LRMDA: variants seen among roughly 807,000 people sequenced by gnomAD.
LRMDA encodes leucine-rich melanocyte differentiation-associated protein.
In LRMDA, 18 loss-of-function variants were observed where a neutral mutation model predicts 29.8. The ratio of observed to expected loss-of-function variants is 0.60; its 90% CI spans 0.42 to 0.90. The LOEUF (loss-of-function observed/expected upper bound fraction) is 0.90. Ranked by LOEUF, LRMDA falls within the 40% of genes least tolerant of loss-of-function variation. The probability of loss-of-function intolerance (pLI) is 0.00; values close to 1 mark genes in which losing one functional copy is unlikely to be tolerated. For missense variants in LRMDA, 273 were observed against 273.9 expected (o/e 1.00, Z 0.02); for synonymous variants, 125 against 109.4 (o/e 1.14, Z -0.89).
intron 2 of LRMDA, among the ~76,000 whole-genome samples, chr10:75,465,821 C>T (rs535575445): frequency 6.6e-6 from 1 of 152,280 alleles, no homozygotes; most frequent in East Asian, 1.9e-4. Flanking sequence ...ATAAAATGAC[C>T]TTTCAATTGC....
intron 6 of LRMDA, among the ~76,000 whole-genome samples, chr10:76,453,776 A>G (rs973794315): frequency 1.3e-5 from 2 of 152,240 alleles, no homozygotes; most frequent in African/African-American, 4.8e-5. Context: ...TTATTAAATT[A>G]GAGCCCAGTT....
chr10:76,529,897 T>A (rs1252215289), intron 6 of LRMDA, among the ~76,000 whole-genome samples: 3 of 152,132 alleles, frequency 2.0e-5, no homozygotes, highest in Non-Finnish European at 4.4e-5. Flanking sequence ...GTAAGAAGAC[T>A]TGGGCCAATA....
At chr10:75,577,578 C>T (rs1229569625) in intron 2 of LRMDA, among the ~76,000 whole-genome samples, 1 of 152,074 alleles carries the variant, frequency 6.6e-6, no homozygotes, top group African/African-American at 2.4e-5. Context: ...CCCCAAGACA[C>T]ATAATTGTCA....
intron 2 of LRMDA, among the ~76,000 whole-genome samples, chr10:75,688,818 A>G (rs1842112127): frequency 6.6e-6 from 1 of 152,234 alleles, no homozygotes; most frequent in Non-Finnish European, 1.5e-5. Context: ...CTGATCAGTC[A>G]GCAGCCATCA....
At chr10:76,511,586 C>T (rs1452267569) in intron 6 of LRMDA, among the ~76,000 whole-genome samples, 3 of 151,628 alleles carry the variant, frequency 2.0e-5, no homozygotes, top group Admixed American at 6.6e-5. Context: ...TATACATTTA[C>T]AAAGAACTAT....
At chr10:75,443,381 T>G (rs1844352809) in intron 2 of LRMDA, among the ~76,000 whole-genome samples, 1 of 152,162 alleles carries the variant, frequency 6.6e-6, no homozygotes, top group Non-Finnish European at 1.5e-5. Flanking sequence ...CATTCTATAC[T>G]TAATTTGTTG....
intron 5 of LRMDA, among the ~76,000 whole-genome samples, chr10:76,173,188 C>T (rs1181147463): frequency 6.6e-6 from 1 of 152,044 alleles, no homozygotes; most frequent in African/African-American, 2.4e-5. Flanking sequence ...GATTAGTGAA[C>T]CTGAAACTAT....
At chr10:75,663,540 A>G (rs1841782226) in intron 2 of LRMDA, among the ~76,000 whole-genome samples, 1 of 152,086 alleles carries the variant, frequency 6.6e-6, no homozygotes, top group African/African-American at 2.4e-5. Flanking sequence ...GATCTCCAGA[A>G]CTCTCTCAGT....
At chr10:75,473,108 C>T (rs1044778583) in intron 2 of LRMDA, among the ~76,000 whole-genome samples, 1 of 152,224 alleles carries the variant, frequency 6.6e-6, no homozygotes, top group African/African-American at 2.4e-5. Context: ...GCTGTTTTGA[C>T]ACCAGATTGT....
At position 76,494,627 on chromosome 10, in the gene LRMDA, T is replaced by C. The variant is rs548758368; in HGVS notation, c.602-62582T>C. On this transcript the variant is annotated intron_variant, in intron 6 of 6. Coordinates refer to ENST00000611255, the MANE Select transcript of LRMDA (RefSeq NM_001305581.2). ...CACTATTATGGATCTTTGTTCTTTATTATTATTTCTCTACTGCTTACTTAG... is the reference window on the plus strand; with the variant it reads ...CACTATTATGGATCTTTGTTCTTTACTATTATTTCTCTACTGCTTACTTAG... Among the ~76,000 whole-genome samples the C allele has an allele frequency of 5.9e-5, 9 of 151,926 alleles. No individual in the cohort carries two copies. In the Middle Eastern group the frequency reaches 0.014, roughly 230 times the overall value.
chr10:76,013,214 T>C (rs117535313), intron 2 of LRMDA, among the ~76,000 whole-genome samples: 1 of 152,186 alleles, frequency 6.6e-6, no homozygotes, highest in East Asian at 1.9e-4. Context: ...GGAGAATGGC[T>C]GCCCAGGTGG....
chr10:75,822,544 T>C (rs1844180550), intron 2 of LRMDA, among the ~76,000 whole-genome samples: 1 of 152,132 alleles, frequency 6.6e-6, no homozygotes, highest in South Asian at 2.1e-4. Context: ...AGTGGTACCA[T>C]ATTTTTTACT....
intron 5 of LRMDA, among the ~76,000 whole-genome samples, chr10:76,064,233 T>C (rs573996067): frequency 5.4e-4 from 83 of 152,330 alleles, no homozygotes; most frequent in African/African-American, 2.0e-3. Flanking sequence ...TTCCTGGGAT[T>C]ATTTATGATG....
chr10:76,490,390 TTATTG>T (rs1350828990), intron 6 of LRMDA, among the ~76,000 whole-genome samples: 1 of 151,920 alleles, frequency 6.6e-6, no homozygotes, highest in Non-Finnish European at 1.5e-5. Flanking sequence ...TCTCCAGCTA[TTATTG>T]TATTAGGGTC....
chr10:75,659,642 G>A (rs890308641), intron 2 of LRMDA, among the ~76,000 whole-genome samples: 1 of 152,174 alleles, frequency 6.6e-6, no homozygotes, highest in Non-Finnish European at 1.5e-5. Flanking sequence ...ACTGGGAGGT[G>A]GGGGAAATGG....
chr10:76,391,865 T>C (rs1841726980), intron 6 of LRMDA, among the ~76,000 whole-genome samples: 1 of 152,204 alleles, frequency 6.6e-6, no homozygotes, highest in South Asian at 2.1e-4. Context: ...AGGTAACTGT[T>C]CTTAGTCTAC....
chr10:76,461,530 C>G (rs1208136064), intron 6 of LRMDA, among the ~76,000 whole-genome samples: 1 of 152,102 alleles, frequency 6.6e-6, no homozygotes, highest in East Asian at 1.9e-4. Flanking sequence ...ATGTTCTTCC[C>G]CGTAGGTAGA....
At chr10:75,629,687 A>T (rs567167265) in intron 2 of LRMDA, among the ~76,000 whole-genome samples, 4 of 152,312 alleles carry the variant, frequency 2.6e-5, no homozygotes, top group Non-Finnish European at 5.9e-5. Context: ...TTTGAATGGC[A>T]TTTATATCTG....
chr10:76,462,541 A>G (rs550057233), intron 6 of LRMDA, among the ~76,000 whole-genome samples: 4 of 152,310 alleles, frequency 2.6e-5, no homozygotes, highest in African/African-American at 9.6e-5. Context: ...TTTGGCCGCT[A>G]TAGCTAGATG....
Sources: allele counts gnomAD v4.1 joint callset (sites outside exome capture counted in the v4.1 genomes callset), GRCh38; gene constraint gnomAD v4.1.1; transcripts MANE v1.5; gene names NCBI Gene and HGNC (gene_info 2026-07-23, HGNC 2026-07-21).